Variants in NBEAL2 observed in about 807,000 individuals in gnomAD.
The protein encoded by NBEAL2 is neurobeachin like 2, also known as neurobeachin-like protein 2.
In NBEAL2, 160 loss-of-function variants were observed where a neutral mutation model predicts 299.8. The observed-to-expected ratio is 0.53, with a 90% confidence interval of 0.47 to 0.61. The LOEUF (loss-of-function observed/expected upper bound fraction) is 0.61, where lower values mean the gene tolerates loss of function less well. Ranked by LOEUF, NBEAL2 falls within the 20% of genes least tolerant of loss-of-function variation. The pLI, the probability that NBEAL2 is intolerant of heterozygous loss-of-function variation, is 0.00. For synonymous variants in NBEAL2, 1,493 were observed against 1,542.3 expected (o/e 0.97, Z 0.75); for missense variants, 3,112 against 3,649.0 (o/e 0.85, Z 3.79).
In NBEAL2 at chr3:47,006,380, T is replaced by G; in HGVS notation, c.7065T>G (p.Leu2355=). The G allele has an allele frequency of 6.3e-7, 1 of 1,596,088 alleles. No homozygotes were observed. The highest frequency in any genetic ancestry group is 8.5e-7 in the Non-Finnish European group (1 of 1,171,534). ...CAGCTGAGGAAGCAGCCCATCGCCTTGCACGCCTGGACACTAACTCACCTA... is the reference window on the plus strand; with the variant it reads ...CAGCTGAGGAAGCAGCCCATCGCCTGGCACGCCTGGACACTAACTCACCTA... The part of the protein sequence containing the change: ...RLSAEEAAHR[L]ARLDTNSPSI... The change falls in exon 45 of 54, where the codon CTT becomes CTG. Residue 2355 remains leucine (L), a synonymous_variant. Transcript: ENST00000450053.
rs551204446 is a variant in NBEAL2 at position 46,989,468 on chromosome 3, G to A, written c.474-43G>A. 2.4e-5 allele frequency: 37 copies of A among 1,568,624 alleles called. No individual in the cohort carries two copies. Among genetic ancestry groups the A allele is most frequent in the Non-Finnish European group, 3.1e-5 (36 of 1,157,098 alleles). On this transcript the variant is annotated intron_variant, in intron 5 of 53. Transcript: ENST00000450053. This position sits in a 1 kb window ranked among gnomAD's most constrained non-coding sequence, Gnocchi z 5.5. The stretch of plus-strand genomic sequence containing the variant: ...GCCCAAGGAGGGGTGACGGCCAGGA[G>A]TGGTGAGAGCCGGGCTGATGTACTT...
Position 46,989,683 on chromosome 3 carries a change from C to T in NBEAL2, c.556+90C>T, listed in dbSNP as rs2035947776. 9.3e-6 allele frequency: 11 copies of T among 1,178,754 alleles called. No homozygotes were observed. Among genetic ancestry groups the T allele is most frequent in the South Asian group, 1.3e-5 (1 of 76,474 alleles). 73.0% of individuals were successfully genotyped at this position (1,178,754 alleles called of 1,614,324 possible). ...TTGATCCTGCCATACACAGGAACCA[C>T]TTGGTGGTGGCTGCATGCAGGACTG... On this transcript the variant is annotated intron_variant, in intron 6 of 53. Coordinates refer to ENST00000450053, the MANE Select transcript of NBEAL2 (RefSeq NM_015175.3). This position sits in a 1 kb window ranked among gnomAD's most constrained non-coding sequence, Gnocchi z 5.5.
Position 47,007,801 on chromosome 3 carries a change from C to A in NBEAL2, c.7508-15C>A. 6.2e-7 allele frequency: 1 copy of A among 1,612,036 alleles called. No homozygotes were observed. The highest frequency in any genetic ancestry group is 8.5e-7 in the Non-Finnish European group (1 of 1,179,076). On this transcript the variant is annotated splice_polypyrimidine_tract_variant and intron_variant, in intron 48 of 53. Coordinates refer to ENST00000450053, the MANE Select transcript of NBEAL2 (RefSeq NM_015175.3). Reference sequence around the variant, plus strand: ...GACTCCTCCGTTCTGCCTGTACCCTCCCCTTCCCATGCAGATGTAGTAACC... The same window carrying A: ...GACTCCTCCGTTCTGCCTGTACCCTACCCTTCCCATGCAGATGTAGTAACC...
In NBEAL2 at chr3:47,009,505, C is replaced by T. The variant is rs1185239983; in HGVS notation, c.*185C>T. 1 of 640,306 alleles carries T rather than the reference C, an allele frequency of 1.6e-6. No individual in the cohort carries two copies. The highest frequency in any genetic ancestry group is 2.7e-6 in the Non-Finnish European group (1 of 376,372). 39.7% of individuals were successfully genotyped at this position (640,306 alleles called of 1,614,324 possible). ...GGGATTGGCGGGCGGAAGTCCCGCCCCTCGCCGGCTGAGGGGCCGCCCTGA... is the reference window on the plus strand; with the variant it reads ...GGGATTGGCGGGCGGAAGTCCCGCCTCTCGCCGGCTGAGGGGCCGCCCTGA... On this transcript the variant is annotated 3_prime_UTR_variant, in exon 54 of 54. Transcript: ENST00000450053.
In NBEAL2 at chr3:47,004,689, G is replaced by A; in HGVS notation, c.6294+99G>A. ...TACCTGCCAGTGGGCCAAGCTCTGA[G>A]CTTGGTCAAGGGTAGATGTGCCAAT... On this transcript the variant is annotated intron_variant, in intron 38 of 53. Coordinates refer to ENST00000450053, the MANE Select transcript of NBEAL2 (RefSeq NM_015175.3). This position sits in a 1 kb window ranked among gnomAD's most constrained non-coding sequence, Gnocchi z 5.0. The A allele has an allele frequency of 1.5e-6, 2 of 1,308,598 alleles. No individual in the cohort carries two copies. The highest frequency in any genetic ancestry group is 3.6e-5 in the Admixed American group (2 of 55,814). The allele number at this position is 1,308,598 out of a possible 1,614,324, so 81.1% of individuals were successfully genotyped here. A position where few individuals can be genotyped will look rare whatever the true frequency, so the allele number is the denominator to read the frequency against.
At position 46,998,579 on chromosome 3, in the gene NBEAL2, G is replaced by A. The variant is rs766562881; in HGVS notation, c.3221+14G>A. The A allele has an allele frequency of 7.5e-6, 12 of 1,602,310 alleles. No individual in the cohort carries two copies. Among genetic ancestry groups the A allele is most frequent in the South Asian group, 3.4e-5 (3 of 89,282 alleles). The stretch of plus-strand genomic sequence containing the variant: ...CACCCACTACAGGTGAGGCCAGTGG[G>A]GCCAGATGGGCCATGGGGGGCTGAC... On this transcript the variant is annotated intron_variant, in intron 22 of 53. Coordinates refer to ENST00000450053, the MANE Select transcript of NBEAL2 (RefSeq NM_015175.3).
In NBEAL2 at chr3:47,000,961, G is replaced by T; in HGVS notation, c.4306-40G>T. 1.9e-6 allele frequency: 3 copies of T among 1,559,178 alleles called. No individual in the cohort carries two copies. The highest frequency in any genetic ancestry group is 2.6e-6 in the Non-Finnish European group (3 of 1,151,544). ...GTCAGCCTGATTCCCTCCCTTAGCCGCCCACAACCCACGCCCACACCACCC... is the reference window on the plus strand; with the variant it reads ...GTCAGCCTGATTCCCTCCCTTAGCCTCCCACAACCCACGCCCACACCACCC... On this transcript the variant is annotated intron_variant, in intron 27 of 53. Transcript: ENST00000450053. The surrounding 1 kb of genome is among the most constrained non-coding windows in gnomAD (Gnocchi z 4.5).
At position 47,000,368 on chromosome 3, in the gene NBEAL2, T is replaced by G; in HGVS notation, c.4269T>G (p.Ile1423Met). 1.3e-6 allele frequency: 2 copies of G among 1,589,942 alleles called. No individual in the cohort carries two copies. The highest frequency in any genetic ancestry group is 8.6e-7 in the Non-Finnish European group (1 of 1,165,250). ...LEDGSLPEPTISGDDTSNTSN... is the reference protein window; with the variant it reads ...LEDGSLPEPTMSGDDTSNTSN... ...ACGGCAGCCTCCCGGAGCCCACCAT[T>G]AGCGGGGATGATACCTCGAACACCA... Residue 1423 changes from isoleucine to methionine, a missense_variant, in exon 27 of 54, where the codon ATT becomes ATG. By Grantham distance (10) the Ile-to-Met change is conservative. Transcript: ENST00000450053. This position sits in a 1 kb window ranked among gnomAD's most constrained non-coding sequence, Gnocchi z 4.5.
Position 47,004,004 on chromosome 3 carries a change from G to A in NBEAL2, c.5881+28G>A. On this transcript the variant is annotated intron_variant, in intron 36 of 53. Transcript: ENST00000450053. The surrounding 1 kb of genome is among the most constrained non-coding windows in gnomAD (Gnocchi z 5.0). ...GCGTCCTGGTGGTGTGGTTTAGGAGGATGGCAGGGAATGGCTGAGCTCTGG... is the reference window on the plus strand; with the variant it reads ...GCGTCCTGGTGGTGTGGTTTAGGAGAATGGCAGGGAATGGCTGAGCTCTGG... 1 of 1,608,748 alleles carries A rather than the reference G, an allele frequency of 6.2e-7. No individual in the cohort carries two copies. The highest frequency in any genetic ancestry group is 8.5e-7 in the Non-Finnish European group (1 of 1,175,928).
rs1210317356 is a variant in NBEAL2, at chr3:46,997,022, C to T, written c.2625C>T (p.His875=). 1 of 1,613,310 alleles carries T rather than the reference C, an allele frequency of 6.2e-7. No homozygotes were observed. The highest frequency in any genetic ancestry group is 8.5e-7 in the Non-Finnish European group (1 of 1,179,744). ...SHGLDGRLTG[H]RVETWDVKDV... is the part of the protein sequence containing the mutation. ...GGCTTGATGGGCGCCTGACGGGCCA[C>T]AGAGTGGAGACCTGGGATGTGAAGG... The change falls in exon 18 of 54, where the codon CAC becomes CAT. Residue 875 remains histidine (H), a synonymous_variant. Transcript: ENST00000450053.
rs1285731171 is a variant in NBEAL2 at position 47,005,848 on chromosome 3, G to A, written c.6801+1G>A. The A allele has an allele frequency of 6.2e-7, 1 of 1,613,338 alleles. No individual in the cohort carries two copies. The highest frequency in any genetic ancestry group is 8.5e-7 in the Non-Finnish European group (1 of 1,179,768). On this transcript the variant is annotated splice_donor_variant, in intron 42 of 53. Transcript: ENST00000450053. LOFTEE classifies it high-confidence loss of function. The stretch of plus-strand genomic sequence containing the variant: ...CATCCAGCAGCACCGCCAGGCTCTG[G>A]TGAGGAAGGAACCACAGGCAAACGG...
intron 16 of NBEAL2, 27 bp from the exon 17 acceptor site, chr3:46,996,724 G>C (rs1365417704): frequency 6.2e-7 from 1 of 1,606,198 alleles, no homozygotes. Flanking sequence ...GCCTAGCAAG[G>C]TCTGAAGCCC....
rs1301226298 is a variant in NBEAL2, at chr3:47,000,988, C to T, written c.4306-13C>T. 1.3e-6 allele frequency: 2 copies of T among 1,592,596 alleles called. No individual in the cohort carries two copies. Among genetic ancestry groups the T allele is most frequent in the African/African-American group, 2.7e-5 (2 of 74,444 alleles). ...CCACAACCCACGCCCACACCACCCA[C>T]CTGTGCCCACAGCAAACCTCTGAGG... On this transcript the variant is annotated splice_polypyrimidine_tract_variant and intron_variant, in intron 27 of 53. Transcript: ENST00000450053. The surrounding 1 kb of genome is among the most constrained non-coding windows in gnomAD (Gnocchi z 4.5).
rs771570703 is a variant in NBEAL2, at chr3:46,998,527, C to A, written c.3183C>A (p.Gly1061=). The change falls in exon 22 of 54, where the codon GGC becomes GGA. Residue 1061 remains glycine, a synonymous_variant. Transcript: ENST00000450053. ...EHRQKLRKKY[G]VQFILDALRT... is the part of the protein sequence containing the mutation. ...GACAGAAGCTGCGGAAGAAGTACGG[C>A]GTCCAGTTTATCTTGGATGCTCTGC... 1.2e-6 allele frequency: 2 copies of A among 1,613,072 alleles called. No individual in the cohort carries two copies. Among genetic ancestry groups the A allele is most frequent in the South Asian group, 2.2e-5 (2 of 90,894 alleles).
chr3:47,009,330 G>C lies in NBEAL2; in HGVS notation c.*10G>C. 1 of 1,577,370 alleles carries C rather than the reference G, an allele frequency of 6.3e-7. No individual in the cohort carries two copies. The highest frequency in any genetic ancestry group is 8.6e-7 in the Non-Finnish European group (1 of 1,161,952). ...TACTGAGGCGCGCTGAACCTGGCCA[G>C]TCCGGCTGCTCGGGCCCCGCCCCCG... On this transcript the variant is annotated 3_prime_UTR_variant, in exon 54 of 54. Coordinates refer to ENST00000450053, the MANE Select transcript of NBEAL2 (RefSeq NM_015175.3).
chr3:46,989,492 T>G lies in NBEAL2; in HGVS notation c.474-19T>G. On this transcript the variant is annotated intron_variant, in intron 5 of 53. Coordinates refer to ENST00000450053, the MANE Select transcript of NBEAL2 (RefSeq NM_015175.3). This position sits in a 1 kb window ranked among gnomAD's most constrained non-coding sequence, Gnocchi z 5.5. ...AGTGGTGAGAGCCGGGCTGATGTAC[T>G]TGGCCTCACTGCCCCCAGGGAAGTC... is the stretch of plus-strand genomic sequence containing the variant. 1 of 1,580,640 alleles carries G rather than the reference T, an allele frequency of 6.3e-7. No homozygotes were observed. Among genetic ancestry groups the G allele is most frequent in the Non-Finnish European group, 8.6e-7 (1 of 1,163,464 alleles).
In NBEAL2 at chr3:47,008,412, A is replaced by T. The variant is rs1211548995; in HGVS notation, c.7849A>T (p.Ser2617Cys). 16 of 1,613,624 alleles carry T rather than the reference A, an allele frequency of 9.9e-6. No individual in the cohort carries two copies. Among genetic ancestry groups the T allele is most frequent in the Non-Finnish European group, 1.4e-5 (16 of 1,179,728 alleles). ...LGSEGQIVVQSSAWERPGAQV... is the reference protein window; with the variant it reads ...LGSEGQIVVQCSAWERPGAQV... ...GTCCGAAGGCCAGATTGTGGTACAG[A>T]GCTCAGCGTGGGAACGTCCTGGGGC... The change falls in exon 51 of 54, where the codon AGC becomes TGC. Residue 2617 changes from serine (S) to cysteine (C), a missense_variant. Ser to Cys is a moderately radical substitution (Grantham distance 112, BLOSUM62 -1). This residue lies in a region of NBEAL2 where 348 missense variants were observed against 381.4 expected (regional missense o/e 0.91). Transcript: ENST00000450053.
chr3:46,991,788 TAAGGCTG>T lies in NBEAL2; in HGVS notation c.926-51_926-45del. On this transcript the variant is annotated intron_variant, in intron 8 of 53. Transcript: ENST00000450053. The surrounding 1 kb of genome is among the most constrained non-coding windows in gnomAD (Gnocchi z 6.2). ...ATAGGGCAGCATAGGAAGGAAGGCT[TAAGGCTG>T]CCTAGAGGGGTCTGGGCAGGGCCTG... 1 of 1,563,208 alleles carries T rather than the reference TAAGGCTG, an allele frequency of 6.4e-7. No individual in the cohort carries two copies. Among genetic ancestry groups the T allele is most frequent in the East Asian group, 2.4e-5 (1 of 41,800 alleles).
intron 1 of NBEAL2, among the ~76,000 whole-genome samples, chr3:46,980,193 A>G (rs2035223003): frequency 1.3e-5 from 2 of 152,188 alleles, no homozygotes; most frequent in Non-Finnish European, 1.5e-5. Flanking sequence ...TTCTTGCTAG[A>G]GGAGAGTGGC....
Sources: gnomAD v4.1 joint callset for allele counts (sites outside exome capture counted in the v4.1 genomes callset) on GRCh38, gnomAD v4.1.1 for gene constraint, gnomAD v4.1.1 regional missense constraint, Gnocchi (gnomAD v3.1) non-coding constraint, MANE v1.5 for transcripts, NCBI Gene and HGNC (gene_info 2026-07-23, HGNC 2026-07-21) for gene names.